The following CLECL1 variants were observed in gnomAD, a reference collection of about 807,000 sequenced individuals.
The protein encoded by CLECL1 is C-type lectin like 1, also known as C-type lectin-like domain family 1.
chr12:9,721,949 C>T (rs1866318215), downstream of CLECL1, among the ~76,000 whole-genome samples: 1 of 152,154 alleles, frequency 6.6e-6, no homozygotes. Flanking sequence ...CTTTTTCCCT[C>T]AGATGTCTCA....
At chr12:9,704,637 CACTT>C in the CLECL1 span, among the ~76,000 whole-genome samples, 2 of 152,164 alleles carry the variant, frequency 1.3e-5, no homozygotes, top group South Asian at 2.1e-4. Flanking sequence ...ATTTAGCTCT[CACTT>C]ACAAGTGAGA....
chr12:9,717,321 T>C (rs1291908332), intron 2 of CLECL1, among the ~76,000 whole-genome samples: 1 of 152,142 alleles, frequency 6.6e-6, no homozygotes, highest in Non-Finnish European at 1.5e-5. Flanking sequence ...AGAAACCCCG[T>C]AGTAGTCCAG....
intron 3 of CLECL1, among the ~76,000 whole-genome samples, chr12:9,724,202 AAG>A (rs1365250653): frequency 6.6e-6 from 1 of 151,902 alleles, no homozygotes; most frequent in Non-Finnish European, 1.5e-5. Flanking sequence ...AAAAAAGAAA[AAG>A]AAAAAGAAAA....
rs1196664158 is a variant in CLECL1, at chr12:9,725,209, C to A, written n.262+2356G>T. Among the ~76,000 whole-genome samples, 6 of 152,076 alleles carry A rather than the reference C, an allele frequency of 3.9e-5. No individual in the cohort carries two copies. The South Asian group carries it at 1.0e-3, about 26-fold the overall frequency. ...GATGCGCAATGTTTCTAAATGAGAA[C>A]TTGAATATTATTCAAGGGAGAACAT... On this transcript the variant is annotated intron_variant and non_coding_transcript_variant, in intron 3 of 3. Coordinates refer to ENST00000621400, the Ensembl canonical transcript of CLECL1.
At chr12:9,732,359 A>G (rs141551183) in intron 1 of CLECL1, among the ~76,000 whole-genome samples, 7 of 152,342 alleles carry the variant, frequency 4.6e-5, no homozygotes, top group Middle Eastern at 3.4e-3. Flanking sequence ...ATGAAAATCT[A>G]TAATTTTTGA....
exon 4 of CLECL1, chr12:9,722,680 A>G: frequency 6.2e-7 from 1 of 1,613,852 alleles, no homozygotes; most frequent in Non-Finnish European, 8.5e-7. Context: ...TGAGATATGA[A>G]TTGTTTATGG....
Position 9,722,853 on chromosome 12 carries a change from A to T in CLECL1, n.263-40T>A, listed in dbSNP as rs776392751. ...GATAAGCAATTAAAATCAATGTAAA[A>T]CTGTATCCTAATAATGTATACTAAT... On this transcript the variant is annotated intron_variant and non_coding_transcript_variant, in intron 3 of 3. Coordinates refer to ENST00000621400, the Ensembl canonical transcript of CLECL1. 7 of 1,462,726 alleles carry T rather than the reference A, an allele frequency of 4.8e-6. No homozygotes were observed. In the African/African-American group the frequency reaches 9.8e-5, roughly 21 times the overall value. The allele number at this position is 1,462,726 out of a possible 1,614,324, so 90.6% of individuals were successfully genotyped here.
chr12:9,712,558 G>A (rs1866207908), downstream of CLECL1, among the ~76,000 whole-genome samples: 1 of 151,790 alleles, frequency 6.6e-6, no homozygotes, highest in Non-Finnish European at 1.5e-5. Flanking sequence ...ATGTTTTATT[G>A]CACTAAATAA....
the CLECL1 span, among the ~76,000 whole-genome samples, chr12:9,709,809 C>T: frequency 2.0e-5 from 3 of 152,166 alleles, no homozygotes; most frequent in Non-Finnish European, 4.4e-5. Flanking sequence ...ATTACTCAGG[C>T]AGCTCCTGAT....
At position 9,723,529 on chromosome 12, in the gene CLECL1, C is replaced by T. The variant is rs141450090; in HGVS notation, n.263-716G>A. On this transcript the variant is annotated intron_variant and non_coding_transcript_variant, in intron 3 of 3. Coordinates refer to ENST00000621400, the Ensembl canonical transcript of CLECL1. ...CAGACAGATTCTAGAGGGGAGATGA[C>T]ACTTCAAAGAAGGTATGGCAGGGCA... Among the ~76,000 whole-genome samples, 831 of 152,072 alleles carry T rather than the reference C, an allele frequency of 5.5e-3. 18 individuals carry two copies. The highest frequency in any genetic ancestry group is 0.019 in the African/African-American group (778 of 41,472).
intron 3 of CLECL1, among the ~76,000 whole-genome samples, chr12:9,727,410 A>G (rs762870022): frequency 1.3e-5 from 2 of 151,908 alleles, no homozygotes; most frequent in South Asian, 2.1e-4. Flanking sequence ...TAATATTTTT[A>G]TCAGAATTGT....
chr12:9,723,216 A>C (rs1220613473), intron 3 of CLECL1, among the ~76,000 whole-genome samples: 1 of 152,206 alleles, frequency 6.6e-6, no homozygotes, highest in Non-Finnish European at 1.5e-5. Context: ...ACACTAGTAT[A>C]GTTATTCACA....
chr12:9,716,788 A>G (rs1450364868), intron 2 of CLECL1: 1 of 1,266,894 alleles, frequency 7.9e-7, no homozygotes, highest in Non-Finnish European at 1.0e-6. Context: ...TAGATTTGAG[A>G]GGAGAAAGAA....
chr12:9,727,960 A>G (rs2121060159), intron 2 of CLECL1, among the ~76,000 whole-genome samples: 1 of 151,968 alleles, frequency 6.6e-6, no homozygotes. Flanking sequence ...TTTAATAAGG[A>G]CAAAATGTCC....
chr12:9,708,613 C>T, the CLECL1 span, among the ~76,000 whole-genome samples: 1 of 152,102 alleles, frequency 6.6e-6, no homozygotes, highest in South Asian at 2.1e-4. Flanking sequence ...CATAAACAGG[C>T]CCAGGGAACT....
the CLECL1 span, among the ~76,000 whole-genome samples, chr12:9,702,182 T>C: frequency 6.6e-6 from 1 of 152,152 alleles, no homozygotes; most frequent in African/African-American, 2.4e-5. Flanking sequence ...TGCAAACAAA[T>C]TGAAGGGTAG....
At chr12:9,723,564 C>T (rs1320677007) in intron 3 of CLECL1, among the ~76,000 whole-genome samples, 1 of 152,032 alleles carries the variant, frequency 6.6e-6, no homozygotes, top group Admixed American at 6.6e-5. Context: ...AAAAGTTTAT[C>T]ATTTTTACAA....
upstream of CLECL1, chr12:9,733,264 T>C (rs752096263): frequency 9.5e-6 from 15 of 1,585,650 alleles, no homozygotes; most frequent in Non-Finnish European, 1.2e-5. Flanking sequence ...TTACTAACCA[T>C]ACAGTAGGTT....
chr12:9,718,873 C>T, downstream of CLECL1: 1 of 610,384 alleles, frequency 1.6e-6, no homozygotes, highest in Non-Finnish European at 2.9e-6. Context: ...GTTTCTGTTG[C>T]TTTAGCTACC....
Sources: allele counts gnomAD v4.1 joint callset (sites outside exome capture counted in the v4.1 genomes callset), GRCh38; gene constraint gnomAD v4.1.1; transcripts MANE v1.5; gene names NCBI Gene and HGNC (gene_info 2026-07-23, HGNC 2026-07-21).